The following JPH3 variants were observed in gnomAD, a reference collection of about 807,000 sequenced individuals.
JPH3 encodes junctophilin-3.
In JPH3, 11 loss-of-function variants were observed where a neutral mutation model predicts 59.6. The observed-to-expected ratio is 0.18, with a 90% CI of 0.12 to 0.31. The LOEUF (loss-of-function observed/expected upper bound fraction) is 0.31, where lower values mean the gene tolerates loss of function less well. Ranked by LOEUF, JPH3 falls within the 10% of genes least tolerant of loss-of-function variation. The pLI is 1.00. For synonymous variants in JPH3, 673 were observed against 483.6 expected, an observed-to-expected ratio of 1.39 and a Z score of -5.14; for missense variants, 1,202 against 1,105.7, an observed-to-expected ratio of 1.09 and a Z score of -1.24.
intron 2 of JPH3, among the ~76,000 whole-genome samples, chr16:87,646,202 C>T (rs1478610742): frequency 6.6e-6 from 1 of 152,204 alleles, no homozygotes; most frequent in Non-Finnish European, 1.5e-5. Context: ...CCCGACCTGT[C>T]GCTAATTAAA....
intron 1 of JPH3, among the ~76,000 whole-genome samples, chr16:87,626,981 T>A (rs2031401676): frequency 6.6e-6 from 1 of 152,170 alleles, no homozygotes; most frequent in Admixed American, 6.5e-5. Flanking sequence ...TCTCTATTTA[T>A]TAAAAAAAAG....
chr16:87,667,215 C>T (rs1178093298), intron 2 of JPH3, among the ~76,000 whole-genome samples: 2 of 152,218 alleles, frequency 1.3e-5, no homozygotes, highest in Non-Finnish European at 2.9e-5. Flanking sequence ...CTGAGCACAG[C>T]TGTGATTGCA....
chr16:87,659,384 A>AAAAAAAAAAAAAC (rs2032623979), intron 2 of JPH3, among the ~76,000 whole-genome samples: 1 of 120,516 alleles, frequency 8.3e-6, no homozygotes, highest in African/African-American at 2.8e-5. Flanking sequence ...CAAAAAAAAA[A>AAAAAAAAAAAAAC]AAGAAAAAAA....
chr16:87,659,398 A>AAAAAAAAAAAAAAAAAAAAAAT (rs754389510), intron 2 of JPH3, among the ~76,000 whole-genome samples: 1 of 102,474 alleles, frequency 9.8e-6, no homozygotes, highest in Non-Finnish European at 2.1e-5. Flanking sequence ...AAAAAAAAAA[A>AAAAAAAAAAAAAAAAAAAAAAT]GAAAACTACA....
intron 1 of JPH3, chr16:87,604,354 C>T (rs1016361558): frequency 4.1e-6 from 6 of 1,450,090 alleles, no homozygotes; most frequent in African/African-American, 1.4e-5. Context: ...TGCAGGGAAC[C>T]TTGGCCGGCT....
Position 87,690,163 on chromosome 16 carries a change from G to A in JPH3, c.1803G>A (p.Leu601=), listed in dbSNP as rs750056330. 6.3e-7 allele frequency: 1 copy of A among 1,598,860 alleles called. No individual in the cohort carries two copies. The highest frequency in any genetic ancestry group is 1.3e-5 in the African/African-American group (1 of 74,606). ...SNHSPGGSRL[L]ELQEEKLSNY... is the part of the protein sequence containing the mutation. The stretch of plus-strand genomic sequence containing the variant: ...ACAGCCCCGGAGGCTCCAGGCTGCT[G>A]GAGCTGCAGGAGGAGAAGCTGAGCA... Residue 601 remains leucine (L), a synonymous_variant, in exon 4 of 5, where the codon CTG becomes CTA. Transcript: ENST00000284262.
At chr16:87,677,225 C>CACACAAAAAA (rs1271128667) in intron 2 of JPH3, among the ~76,000 whole-genome samples, 3 of 81,726 alleles carry the variant, frequency 3.7e-5, no homozygotes, top group East Asian at 3.2e-4. Flanking sequence ...CACACACACA[C>CACACAAAAAA]AAAAAAAAAA....
intron 1 of JPH3, among the ~76,000 whole-genome samples, chr16:87,623,831 G>C (rs931368136): frequency 6.6e-6 from 1 of 152,232 alleles, no homozygotes; most frequent in East Asian, 1.9e-4. Flanking sequence ...GGTCCTCCCT[G>C]GGGACCACAT....
Position 87,696,867 on chromosome 16 carries a change from C to T in JPH3, c.*207C>T, listed in dbSNP as rs1395599148. 2 of 574,746 alleles carry T rather than the reference C, an allele frequency of 3.5e-6. No individual in the cohort carries two copies. Among genetic ancestry groups the T allele is most frequent in the Non-Finnish European group, 6.3e-6 (2 of 319,238 alleles). The allele number at this position is 574,746 out of a possible 1,614,324, so 35.6% of individuals were successfully genotyped here. On this transcript the variant is annotated 3_prime_UTR_variant, in exon 5 of 5. Coordinates refer to ENST00000284262, the MANE Select transcript of JPH3 (RefSeq NM_020655.4). ...TTTGGATTTTAGCCAAAATTCTTTG[C>T]TTGTATAACACTCTGCTGTGTGGCA...
rs747932359 is a variant in JPH3 at position 87,644,463 on chromosome 16, C to T, written c.588C>T (p.Phe196=). 27 of 1,612,706 alleles carry T rather than the reference C, an allele frequency of 1.7e-5. No homozygotes were observed. Among genetic ancestry groups the T allele is most frequent in the Admixed American group, 1.5e-4 (9 of 60,026 alleles). The change falls in exon 2 of 5, where the codon TTC becomes TTT. Residue 196 remains phenylalanine, a synonymous_variant. Transcript: ENST00000284262. ...GCCCGGCCGTGTCCCGCGGGGGCTT[C>T]GTGCTCGTGGCCCACAGTGACTCCG... is the stretch of plus-strand genomic sequence containing the variant. ...AGSPAVSRGG[F]VLVAHSDSEI...
chr16:87,645,653 G>GA (rs1317695450), intron 2 of JPH3, among the ~76,000 whole-genome samples: 2 of 152,224 alleles, frequency 1.3e-5, no homozygotes, highest in Admixed American at 6.5e-5. Context: ...AGGCCCTAAG[G>GA]AATGGGTCCA....
intron 1 of JPH3, among the ~76,000 whole-genome samples, chr16:87,624,866 C>G (rs1255481120): frequency 6.6e-6 from 1 of 152,216 alleles, no homozygotes; most frequent in Non-Finnish European, 1.5e-5. Flanking sequence ...GTAGCGTGAT[C>G]TTGGCTCACT....
At chr16:87,669,706 G>A (rs2032965807) in intron 2 of JPH3, among the ~76,000 whole-genome samples, 1 of 152,176 alleles carries the variant, frequency 6.6e-6, no homozygotes. Context: ...GCGGGAGGCA[G>A]GACCCCGTAG....
chr16:87,649,828 A>AGAGG (rs890753762), intron 2 of JPH3, among the ~76,000 whole-genome samples: 2 of 152,004 alleles, frequency 1.3e-5, no homozygotes, highest in Non-Finnish European at 1.5e-5. Flanking sequence ...CTGCTGCGGG[A>AGAGG]GAGGGAGAGA....
rs183534793 is a variant in JPH3 at position 87,643,477 on chromosome 16, G to T, written c.383-781G>T. ...TATGCCCTTGAATCTCTTCCATGGTGTGTCCACTGTGTGGTCTTCCTGGAT... is the reference window on the plus strand; with the variant it reads ...TATGCCCTTGAATCTCTTCCATGGTTTGTCCACTGTGTGGTCTTCCTGGAT... On this transcript the variant is annotated intron_variant, in intron 1 of 4. Coordinates refer to ENST00000284262, the MANE Select transcript of JPH3 (RefSeq NM_020655.4). Among the ~76,000 whole-genome samples the T allele has an allele frequency of 1.6e-3, 237 of 152,068 alleles. 1 individual carries two copies. Among genetic ancestry groups the T allele is most frequent in the Non-Finnish European group, 2.7e-3 (185 of 68,022 alleles).
intron 4 of JPH3, among the ~76,000 whole-genome samples, chr16:87,692,468 A>C (rs75735496): frequency 0.076 from 11,555 of 152,272 alleles, 607 homozygotes; most frequent in Admixed American, 0.17. Context: ...CTGGGCCACC[A>C]GCAGGGTCTG....
chr16:87,658,175 T>A (rs750289375), intron 2 of JPH3, among the ~76,000 whole-genome samples: 4 of 152,072 alleles, frequency 2.6e-5, no homozygotes, highest in Non-Finnish European at 5.9e-5. Flanking sequence ...CAGCAAACAG[T>A]GAATGGACAC....
At chr16:87,678,165 C>G (rs972317422) in intron 2 of JPH3, among the ~76,000 whole-genome samples, 4 of 152,132 alleles carry the variant, frequency 2.6e-5, no homozygotes, top group African/African-American at 9.7e-5. Flanking sequence ...TGCTTGAGCC[C>G]AGGAGTTCAA....
At chr16:87,671,497 CA>C (rs369901947) in intron 2 of JPH3, among the ~76,000 whole-genome samples, 14 of 152,346 alleles carry the variant, frequency 9.2e-5, no homozygotes, top group African/African-American at 3.1e-4. Flanking sequence ...TGCTCCTATC[CA>C]CCATGGTTGG....
Sources: allele counts gnomAD v4.1 joint callset (sites outside exome capture counted in the v4.1 genomes callset), GRCh38; gene constraint gnomAD v4.1.1; transcripts MANE v1.5; gene names NCBI Gene and HGNC (gene_info 2026-07-23, HGNC 2026-07-21).